The following EYS variants were observed in gnomAD, a reference collection of about 807,000 sequenced individuals.
The protein encoded by EYS is EGF-like photoreceptor maintenance factor.
A neutral mutation model predicts 282.1 loss-of-function variants in EYS; 250 were observed. The ratio of observed to expected loss-of-function variants is 0.89; its 90% confidence interval spans 0.80 to 0.98. The LOEUF is 0.98. Ranked by LOEUF, EYS falls within the 50% of genes least tolerant of loss-of-function variation. The pLI, the probability that EYS is intolerant of heterozygous loss-of-function variation, is 0.00. For missense variants in EYS, 4,016 were observed against 3,709.0 expected, an observed-to-expected ratio of 1.08 and a Z score of -2.15; for synonymous variants, 1,355 against 1,282.9, an observed-to-expected ratio of 1.06 and a Z score of -1.20.
At chr6:65,493,994 A>G (rs998567893) in intron 4 of EYS, among the ~76,000 whole-genome samples, 3 of 152,186 alleles carry the variant, frequency 2.0e-5, no homozygotes, top group African/African-American at 7.2e-5. Context: ...TCACCTATCT[A>G]AATACCATAA....
chr6:63,748,212 ATAC>A (rs2149646759), intron 41 of EYS, among the ~76,000 whole-genome samples: 1 of 152,274 alleles, frequency 6.6e-6, no homozygotes, highest in African/African-American at 2.4e-5. Context: ...TAGGTTGATT[ATAC>A]TACAAGACTA....
At chr6:64,028,922 G>A (rs1769674748) in intron 33 of EYS, among the ~76,000 whole-genome samples, 1 of 152,118 alleles carries the variant, frequency 6.6e-6, no homozygotes, top group Non-Finnish European at 1.5e-5. Flanking sequence ...GAGGGACCAG[G>A]GCCCTCAGCA....
chr6:64,615,329 A>C (rs1364791174), intron 24 of EYS, among the ~76,000 whole-genome samples: 1 of 152,108 alleles, frequency 6.6e-6, no homozygotes, highest in Non-Finnish European at 1.5e-5. Flanking sequence ...ACTAAAGATT[A>C]GTGGGGGAGG....
chr6:65,084,741 C>A (rs1004360698), intron 12 of EYS, among the ~76,000 whole-genome samples: 1 of 152,092 alleles, frequency 6.6e-6, no homozygotes, highest in Non-Finnish European at 1.5e-5. Flanking sequence ...ATAAATGTCT[C>A]ACTATCTCAG....
chr6:64,706,236 A>C (rs966011348), intron 22 of EYS, among the ~76,000 whole-genome samples: 2 of 152,164 alleles, frequency 1.3e-5, no homozygotes, highest in Non-Finnish European at 2.9e-5. Flanking sequence ...CACACTATTC[A>C]ACGAATGGTG....
intron 13 of EYS, among the ~76,000 whole-genome samples, chr6:65,007,503 A>G (rs573609823): frequency 1.3e-5 from 2 of 152,286 alleles, no homozygotes; most frequent in East Asian, 3.9e-4. Context: ...TTGTAGGAAA[A>G]AGGCAAATGG....
intron 26 of EYS, among the ~76,000 whole-genome samples, chr6:64,573,297 G>C (rs532529063): frequency 4.6e-5 from 7 of 152,048 alleles, no homozygotes; most frequent in South Asian, 2.1e-4. Flanking sequence ...AGACTTAAAC[G>C]TAAGTCCTAA....
intron 23 of EYS, among the ~76,000 whole-genome samples, chr6:64,623,610 G>A (rs1767513485): frequency 6.6e-6 from 1 of 152,058 alleles, no homozygotes; most frequent in South Asian, 2.1e-4. Context: ...TCATATACAC[G>A]AGACAGAGGT....
At chr6:65,069,334 A>G (rs1179044864) in intron 12 of EYS, among the ~76,000 whole-genome samples, 1 of 151,960 alleles carries the variant, frequency 6.6e-6, no homozygotes, top group Non-Finnish European at 1.5e-5. Context: ...TCCTTTAAAG[A>G]TTTAACTTAT....
intron 33 of EYS, among the ~76,000 whole-genome samples, chr6:64,055,336 T>C (rs532553890): frequency 6.6e-6 from 1 of 152,260 alleles, no homozygotes; most frequent in African/African-American, 2.4e-5. Flanking sequence ...AATAATACTT[T>C]CGTTTGAGGG....
intron 1 of EYS, among the ~76,000 whole-genome samples, chr6:65,648,562 T>A (rs1324997917): frequency 2.6e-5 from 4 of 151,900 alleles, no homozygotes; most frequent in Non-Finnish European, 5.9e-5. Context: ...GGAGAAATGG[T>A]GGGAGGGTCG....
intron 22 of EYS, among the ~76,000 whole-genome samples, chr6:64,631,004 A>T (rs924450746): frequency 1.3e-5 from 2 of 152,176 alleles, no homozygotes; most frequent in African/African-American, 4.8e-5. Flanking sequence ...TTACTTACCC[A>T]ACTTGTTTAT....
At chr6:65,456,720 T>TAA (rs149063290) in intron 5 of EYS, among the ~76,000 whole-genome samples, 36 of 146,056 alleles carry the variant, frequency 2.5e-4, no homozygotes, top group Admixed American at 1.4e-3. Context: ...CCCTTCATGA[T>TAA]AAAAAAAAAA....
chr6:64,413,058 G>T (rs917037705), intron 28 of EYS, among the ~76,000 whole-genome samples: 14 of 152,102 alleles, frequency 9.2e-5, no homozygotes, highest in Non-Finnish European at 2.1e-4. Context: ...CAAGGAGCAG[G>T]ATTAAAACTA....
At chr6:64,622,096 T>C (rs900405646) in intron 23 of EYS, among the ~76,000 whole-genome samples, 16 of 152,288 alleles carry the variant, frequency 1.1e-4, no homozygotes, top group African/African-American at 3.8e-4. Context: ...ACTCTGTGAT[T>C]AGGACTGTCC....
At chr6:65,235,803 T>C (rs146482248) in intron 12 of EYS, among the ~76,000 whole-genome samples, 346 of 152,316 alleles carry the variant, frequency 2.3e-3, no homozygotes, top group East Asian at 0.012. Flanking sequence ...TAATCATTAT[T>C]ATGAGTAGCA....
chr6:65,675,943 G>A (rs1768572089), intron 1 of EYS, among the ~76,000 whole-genome samples: 1 of 151,744 alleles, frequency 6.6e-6, no homozygotes, highest in Admixed American at 6.6e-5. Flanking sequence ...ACAAGAAGGA[G>A]AAGTGGAAAA....
rs573674490 is a variant in EYS, at chr6:65,298,463, A to G, written c.1767-2344T>C. On this transcript the variant is annotated intron_variant, in intron 11 of 42. Transcript: ENST00000503581. The stretch of plus-strand genomic sequence containing the variant: ...GAAATGGTAATTGACCTATTTTTAT[A>G]TTTCATTATATTTCATGTATTTTTA... 2.1e-3 allele frequency among the ~76,000 whole-genome samples: 322 copies of G among 151,966 alleles called. 1 individual carries two copies. Among genetic ancestry groups the G allele is most frequent in the Non-Finnish European group, 2.2e-3 (147 of 67,834 alleles).
At chr6:64,125,196 G>A (rs1247229922) in intron 31 of EYS, among the ~76,000 whole-genome samples, 2 of 147,454 alleles carry the variant, frequency 1.4e-5, no homozygotes, top group African/African-American at 2.6e-5. Flanking sequence ...CTCTCTCAAG[G>A]AGTAATGACA....
Sources: gnomAD v4.1 joint callset for allele counts (sites outside exome capture counted in the v4.1 genomes callset) on GRCh38, gnomAD v4.1.1 for gene constraint, MANE v1.5 for transcripts, NCBI Gene and HGNC (gene_info 2026-07-23, HGNC 2026-07-21) for gene names.